The following KLHL26 variants were observed in gnomAD, a reference collection of about 807,000 sequenced individuals.
KLHL26 encodes kelch like family member 26.
In KLHL26, 4 loss-of-function variants were observed where a neutral mutation model predicts 7.1. The observed-to-expected ratio is 0.56, with a 90% CI of 0.28 to 1.28. The LOEUF is 1.28. KLHL26 is among the 50% of genes most tolerant of loss of function. The pLI is 0.11. For missense variants in KLHL26, 896 were observed against 924.6 expected, an observed-to-expected ratio of 0.97 and a Z score of 0.40; for synonymous variants, 465 against 414.1, an observed-to-expected ratio of 1.12 and a Z score of -1.49.
intron 1 of KLHL26, among the ~76,000 whole-genome samples, chr19:18,647,559 G>T (rs1976826475): frequency 6.6e-6 from 1 of 151,802 alleles, no homozygotes; most frequent in Admixed American, 6.6e-5. Flanking sequence ...AGGAAGAGTG[G>T]AGGAAGAGGA....
chr19:18,660,769 A>T (rs1476762211), intron 1 of KLHL26, among the ~76,000 whole-genome samples: 1 of 152,154 alleles, frequency 6.6e-6, no homozygotes, highest in Non-Finnish European at 1.5e-5. Flanking sequence ...CAGGGGCGGC[A>T]GTGAGGGTGA....
intron 1 of KLHL26, among the ~76,000 whole-genome samples, chr19:18,663,620 T>C (rs1278291827): frequency 6.6e-6 from 1 of 150,892 alleles, no homozygotes; most frequent in Non-Finnish European, 1.5e-5. Context: ...GGGGTGGGGG[T>C]CTTAGAGGGG....
Position 18,668,297 on chromosome 19 carries a change from G to T in KLHL26, c.900G>T (p.Pro300=). 1 of 1,611,570 alleles carries T rather than the reference G, an allele frequency of 6.2e-7. No individual in the cohort carries two copies. The part of the protein sequence containing the change: ...LPFRQHEMQS[P]RTAVRSDVPS... Reference sequence around the variant, plus strand: ...TCCGGCAGCACGAGATGCAGTCTCCGCGCACCGCCGTGCGCTCGGATGTGC... The same window carrying T: ...TCCGGCAGCACGAGATGCAGTCTCCTCGCACCGCCGTGCGCTCGGATGTGC... Residue 300 remains proline (P), a synonymous_variant, in exon 3 of 3, where the codon CCG becomes CCT. Coordinates refer to ENST00000300976, the MANE Select transcript of KLHL26 (RefSeq NM_018316.3).
intron 1 of KLHL26, chr19:18,659,899 T>G (rs1230298217): frequency 6.6e-6 from 1 of 152,298 alleles, no homozygotes; most frequent in African/African-American, 2.4e-5. Flanking sequence ...ACTCTGAGCT[T>G]CTTGTGACCT....
At chr19:18,641,082 G>A (rs983857745) in intron 1 of KLHL26, among the ~76,000 whole-genome samples, 3 of 151,870 alleles carry the variant, frequency 2.0e-5, no homozygotes, top group Admixed American at 6.6e-5. Context: ...GCGATGGTGC[G>A]ATCCTAGCTC....
Position 18,649,644 on chromosome 19 carries a change from G to A in KLHL26, c.83+12507G>A, listed in dbSNP as rs1240155662. ...TGTCTGAAGTGGAAGTGGGGGCCAA[G>A]CCCGCTGGGTTCCCGCTGCCGGCAG... On this transcript the variant is annotated intron_variant, in intron 1 of 2. Transcript: ENST00000300976. This position sits in a 1 kb window ranked among gnomAD's most constrained non-coding sequence, Gnocchi z 4.0. Among the ~76,000 whole-genome samples, 1 of 152,222 alleles carries A rather than the reference G, an allele frequency of 6.6e-6. No individual in the cohort carries two copies. Among genetic ancestry groups the A allele is most frequent in the Non-Finnish European group, 1.5e-5 (1 of 68,032 alleles).
At chr19:18,641,135 C>T (rs1976704695) in intron 1 of KLHL26, among the ~76,000 whole-genome samples, 1 of 151,710 alleles carries the variant, frequency 6.6e-6, no homozygotes, top group South Asian at 2.1e-4. Flanking sequence ...CTTCGGGCCT[C>T]AGCCTCTGGA....
intron 1 of KLHL26, among the ~76,000 whole-genome samples, chr19:18,651,166 C>T (rs2052251344): frequency 6.6e-6 from 1 of 152,132 alleles, no homozygotes; most frequent in South Asian, 2.1e-4. Context: ...ATCTGTGGCT[C>T]CCTTCTTTCA....
chr19:18,660,426 G>A (rs2052380674), intron 1 of KLHL26, among the ~76,000 whole-genome samples: 1 of 152,216 alleles, frequency 6.6e-6, no homozygotes, highest in Non-Finnish European at 1.5e-5. Context: ...CATTGGCTCC[G>A]ATGACTCACG....
chr19:18,644,100 A>G (rs750758353), intron 1 of KLHL26, among the ~76,000 whole-genome samples: 10 of 152,158 alleles, frequency 6.6e-5, no homozygotes, highest in Non-Finnish European at 1.2e-4. Context: ...GCCCCTGACA[A>G]TCACCAATCT....
intron 1 of KLHL26, among the ~76,000 whole-genome samples, chr19:18,645,133 C>T (rs1239136181): frequency 1.3e-5 from 2 of 152,090 alleles, no homozygotes; most frequent in East Asian, 1.9e-4. Context: ...CTGGGGTGTG[C>T]GGAGAGGAGG....
intron 1 of KLHL26, among the ~76,000 whole-genome samples, chr19:18,641,921 C>T (rs1976719741): frequency 6.6e-6 from 1 of 152,178 alleles, no homozygotes; most frequent in African/African-American, 2.4e-5. Context: ...CCACCATGCC[C>T]GGCCCTCTTT....
intron 2 of KLHL26, 43 bp downstream of exon 2, chr19:18,664,486 TGGGACA>T (rs1465549178): frequency 6.7e-7 from 1 of 1,494,776 alleles, no homozygotes; most frequent in Non-Finnish European, 9.0e-7. Flanking sequence ...GGCTGCCTGT[TGGGACA>T]GGGACAGGGC....
At position 18,648,501 on chromosome 19, in the gene KLHL26, C is replaced by T. The variant is rs900138065; in HGVS notation, c.83+11364C>T. ...GGTGGCCAGTTTCTGCCCTCCCCAC[C>T]GGGCAGGCTGAAGGTCAGGGTTGTC... On this transcript the variant is annotated intron_variant, in intron 1 of 2. Transcript: ENST00000300976. This position sits in a 1 kb window ranked among gnomAD's most constrained non-coding sequence, Gnocchi z 4.9. Among the ~76,000 whole-genome samples, 6 of 152,184 alleles carry T rather than the reference C, an allele frequency of 3.9e-5. No homozygotes were observed. Among genetic ancestry groups the T allele is most frequent in the South Asian group, 2.1e-4 (1 of 4,826 alleles).
intron 1 of KLHL26, among the ~76,000 whole-genome samples, chr19:18,652,330 C>T (rs915223964): frequency 6.6e-6 from 1 of 151,844 alleles, no homozygotes; most frequent in Non-Finnish European, 1.5e-5. Flanking sequence ...TGGCTCCCGC[C>T]TGTAATCCCA....
chr19:18,642,367 G>GTGTGTGTGTGTGTC (rs1976728246), intron 1 of KLHL26, among the ~76,000 whole-genome samples: 1 of 151,508 alleles, frequency 6.6e-6, no homozygotes, highest in African/African-American at 2.4e-5. Flanking sequence ...GTGTGTGTGT[G>GTGTGTGTGTGTGTC]TGTGTGTGTG....
In KLHL26 at chr19:18,658,391, G is replaced by A. The variant is rs575540977; in HGVS notation, c.84-5870G>A. On this transcript the variant is annotated intron_variant, in intron 1 of 2. Transcript: ENST00000300976. ...CCCCACACCACCTCCCACACTGCCT[G>A]GTCGCTGTCACCCCCACCCCTGCCA... Among the ~76,000 whole-genome samples the A allele has an allele frequency of 2.6e-5, 4 of 152,104 alleles. No homozygotes were observed. In the East Asian group the frequency reaches 7.7e-4, roughly 29 times the overall value.
intron 1 of KLHL26, among the ~76,000 whole-genome samples, chr19:18,662,967 CTCAGCTT>C (rs1315321037): frequency 6.6e-6 from 1 of 152,138 alleles, no homozygotes; most frequent in Non-Finnish European, 1.5e-5. Flanking sequence ...CCCTGCCCTC[CTCAGCTT>C]TCAAAAGGCT....
rs1328428459 is a variant in KLHL26 at position 18,664,295 on chromosome 19, T to C, written c.118T>C (p.Phe40Leu). 4.4e-6 allele frequency: 7 copies of C among 1,607,430 alleles called. No individual in the cohort carries two copies. In the African/African-American group the frequency reaches 8.0e-5, roughly 18 times the overall value. ...CAAGAACGGGGCCCTCAAGTGCACC[T>C]TCTCGGCACCCAGCCACAGCACCAG... ...ADKNGALKCT[F>L]SAPSHSTSLL... Residue 40 changes from phenylalanine to leucine, a missense_variant, in exon 2 of 3, where the codon TTC becomes CTC. Physicochemically the swap from Phe to Leu is conservative, Grantham distance 22. Coordinates refer to ENST00000300976, the MANE Select transcript of KLHL26 (RefSeq NM_018316.3).
Sources: allele counts gnomAD v4.1 joint callset (sites outside exome capture counted in the v4.1 genomes callset), GRCh38; gene constraint gnomAD v4.1.1; non-coding constraint Gnocchi (gnomAD v3.1); transcripts MANE v1.5; gene names NCBI Gene and HGNC (gene_info 2026-07-23, HGNC 2026-07-21).